Variants in CTNNA2 observed in about 807,000 individuals in gnomAD.
CTNNA2 encodes the protein catenin alpha 2.
A neutral mutation model predicts 101.0 loss-of-function variants in CTNNA2; 42 were observed. That is an observed-to-expected ratio of 0.42 (90% CI 0.32 to 0.54). The LOEUF (loss-of-function observed/expected upper bound fraction) is 0.54, where lower values mean the gene tolerates loss of function less well. Among genes scored for constraint, CTNNA2 ranks in the 20% least tolerant of loss-of-function variants. The pLI is 0.14. For missense variants in CTNNA2, 871 were observed against 1,223.1 expected, an observed-to-expected ratio of 0.71 and a Z score of 4.29; for synonymous variants, 450 against 456.4, an observed-to-expected ratio of 0.99 and a Z score of 0.18.
intron 2 of CTNNA2, among the ~76,000 whole-genome samples, chr2:79,220,600 A>G (rs1458921647): frequency 6.6e-6 from 1 of 152,130 alleles, no homozygotes; most frequent in African/African-American, 2.4e-5. Flanking sequence ...GATTGTTTAG[A>G]GTAAGCAGAT....
chr2:80,028,684 G>T (rs986809414), intron 7 of CTNNA2, among the ~76,000 whole-genome samples: 2 of 152,174 alleles, frequency 1.3e-5, no homozygotes, highest in Non-Finnish European at 2.9e-5. Flanking sequence ...TGCATTATTG[G>T]TGTGTGCCCA....
At chr2:80,411,772 G>C (rs1243149776) in intron 8 of CTNNA2, among the ~76,000 whole-genome samples, 2 of 152,130 alleles carry the variant, frequency 1.3e-5, no homozygotes, top group African/African-American at 4.8e-5. Flanking sequence ...TAATTCTATT[G>C]TCTCAGTCTC....
At chr2:79,907,135 A>G (rs1408323678) in intron 6 of CTNNA2, among the ~76,000 whole-genome samples, 1 of 152,172 alleles carries the variant, frequency 6.6e-6, no homozygotes, top group Non-Finnish European at 1.5e-5. Flanking sequence ...AAGCCAGTAT[A>G]TGATTCTGAA....
At chr2:80,600,664 G>T (rs981843909) in intron 15 of CTNNA2, among the ~76,000 whole-genome samples, 5 of 152,060 alleles carry the variant, frequency 3.3e-5, no homozygotes, top group African/African-American at 1.2e-4. Flanking sequence ...ACAAGAAAAA[G>T]TAAATACATT....
intron 2 of CTNNA2, among the ~76,000 whole-genome samples, chr2:79,217,766 T>C (rs943304723): frequency 6.6e-6 from 1 of 152,130 alleles, no homozygotes; most frequent in African/African-American, 2.4e-5. Context: ...GCTACACAAA[T>C]TGAAAATATA....
chr2:80,112,726 C>T (rs193279330), intron 7 of CTNNA2, among the ~76,000 whole-genome samples: 400 of 152,244 alleles, frequency 2.6e-3, no homozygotes, highest in African/African-American at 6.1e-3. Flanking sequence ...TTCTCTTTGC[C>T]ACCTACCTGC....
chr2:79,742,140 A>G (rs1400365109), intron 2 of CTNNA2, among the ~76,000 whole-genome samples: 1 of 152,056 alleles, frequency 6.6e-6, no homozygotes, highest in Non-Finnish European at 1.5e-5. Context: ...CTGGCTTGCT[A>G]TTATTTGCAT....
chr2:79,607,972 C>A (rs1678007296), intron 1 of CTNNA2, among the ~76,000 whole-genome samples: 1 of 150,840 alleles, frequency 6.6e-6, no homozygotes, highest in Non-Finnish European at 1.5e-5. Flanking sequence ...AAAACAAAGG[C>A]AGGTTGTTTT....
chr2:79,378,395 G>A (rs150771283), intron 4 of CTNNA2, among the ~76,000 whole-genome samples: 50 of 152,174 alleles, frequency 3.3e-4, no homozygotes, highest in African/African-American at 1.1e-3. Flanking sequence ...ATGTATTGTA[G>A]GGTATGCTCT....
intron 3 of CTNNA2, among the ~76,000 whole-genome samples, chr2:79,316,277 G>A (rs1188761425): frequency 6.6e-6 from 1 of 151,924 alleles, no homozygotes; most frequent in Non-Finnish European, 1.5e-5. Flanking sequence ...GTTTATTTCT[G>A]GAATCCCAGT....
At chr2:79,375,516 G>T (rs139554664) in intron 4 of CTNNA2, among the ~76,000 whole-genome samples, 5 of 152,188 alleles carry the variant, frequency 3.3e-5, no homozygotes, top group Non-Finnish European at 7.4e-5. Context: ...CATTTATACA[G>T]TGTCGACTCT....
intron 7 of CTNNA2, among the ~76,000 whole-genome samples, chr2:80,002,286 G>A (rs1331977601): frequency 6.6e-6 from 1 of 152,046 alleles, no homozygotes; most frequent in East Asian, 1.9e-4. Context: ...GGTACCACGT[G>A]GACCGCTCTT....
At chr2:79,663,396 A>C (rs1214799355) in intron 2 of CTNNA2, among the ~76,000 whole-genome samples, 1 of 152,194 alleles carries the variant, frequency 6.6e-6, no homozygotes, top group East Asian at 1.9e-4. Flanking sequence ...CCATGTCCTG[A>C]TTTGTACCTT....
intron 9 of CTNNA2, among the ~76,000 whole-genome samples, chr2:80,464,492 C>T (rs1684698364): frequency 6.6e-6 from 1 of 152,058 alleles, no homozygotes; most frequent in Admixed American, 6.6e-5. Context: ...GAGGTTTTCT[C>T]ACAGTAAAAA....
intron 18 of CTNNA2, among the ~76,000 whole-genome samples, chr2:80,627,992 A>C (rs985353340): frequency 6.6e-6 from 1 of 152,162 alleles, no homozygotes; most frequent in African/African-American, 2.4e-5. Flanking sequence ...GAGCCAAGTC[A>C]TGAGTGAACT....
chr2:79,611,119 C>A (rs1177662684), intron 1 of CTNNA2, among the ~76,000 whole-genome samples: 1 of 152,080 alleles, frequency 6.6e-6, no homozygotes, highest in Non-Finnish European at 1.5e-5. Context: ...TGCTGGAAAT[C>A]ATTTACTCTA....
rs78783595 is a variant in CTNNA2 at position 80,384,865 on chromosome 2, C to T, written c.1057-8346C>T. Among the ~76,000 whole-genome samples, 50 of 152,108 alleles carry T rather than the reference C, an allele frequency of 3.3e-4. No individual in the cohort carries two copies. The East Asian group carries it at 9.1e-3, about 28-fold the overall frequency. On this transcript the variant is annotated intron_variant, in intron 7 of 18. Transcript: ENST00000402739. The stretch of plus-strand genomic sequence containing the variant: ...CCACCACTCTGCTTTCCAGTTACTG[C>T]GGCTTAGTATTTTAAGATCTCTGGT...
At chr2:79,613,262 C>G (rs983650619) in intron 1 of CTNNA2, among the ~76,000 whole-genome samples, 1 of 151,380 alleles carries the variant, frequency 6.6e-6, no homozygotes, top group Non-Finnish European at 1.5e-5. Context: ...GAAGTCATAT[C>G]AGACTCACAG....
Position 80,117,748 on chromosome 2 carries a change from G to T in CTNNA2, c.1056+207951G>T, listed in dbSNP as rs1157155223. On this transcript the variant is annotated intron_variant, in intron 7 of 18. Transcript: ENST00000402739. ...GGCAATGTGGATCATGCTGGTGGCAGCCTCCAGTGAGTGCACTTCACTCTA... is the reference window on the plus strand; with the variant it reads ...GGCAATGTGGATCATGCTGGTGGCATCCTCCAGTGAGTGCACTTCACTCTA... Among the ~76,000 whole-genome samples the T allele has an allele frequency of 2.6e-5, 4 of 152,132 alleles. No homozygotes were observed. The East Asian group carries it at 7.7e-4, about 29-fold the overall frequency.
Sources: allele counts gnomAD v4.1 joint callset (sites outside exome capture counted in the v4.1 genomes callset), GRCh38; gene constraint gnomAD v4.1.1; transcripts MANE v1.5; gene names NCBI Gene and HGNC (gene_info 2026-07-23, HGNC 2026-07-21).